Variants in TMEM132C observed in about 807,000 individuals in gnomAD.
The protein encoded by TMEM132C is protein phosphatase 1, regulatory subunit 152.
Under a neutral mutation model 61.4 loss-of-function variants are expected in TMEM132C, and 29 were observed. That is an observed-to-expected ratio of 0.47 (90% CI 0.35 to 0.64). The LOEUF (loss-of-function observed/expected upper bound fraction) is 0.64, where lower values mean the gene tolerates loss of function less well. Ranked by LOEUF, TMEM132C falls within the 30% of genes least tolerant of loss-of-function variation. The pLI, the probability that TMEM132C is intolerant of heterozygous loss-of-function variation, is 0.00. For missense variants in TMEM132C, 1,408 were observed against 1,476.9 expected, an observed-to-expected ratio of 0.95 and a Z score of 0.76; for synonymous variants, 656 against 633.1, an observed-to-expected ratio of 1.04 and a Z score of -0.54.
chr12:128,701,998 C>G (rs1455340363), intron 8 of TMEM132C, among the ~76,000 whole-genome samples: 1 of 150,840 alleles, frequency 6.6e-6, no homozygotes, highest in Non-Finnish European at 1.5e-5. Flanking sequence ...CTCCCAGGTT[C>G]AAGCAATTCT....
chr12:128,524,948 C>G (rs4146752), intron 2 of TMEM132C, among the ~76,000 whole-genome samples: 143,858 of 152,272 alleles, frequency 0.94, 68,426 homozygotes, highest in East Asian at 1. Flanking sequence ...ATAGAAGACT[C>G]TCCTTCCCTA....
intron 1 of TMEM132C, among the ~76,000 whole-genome samples, chr12:128,320,937 TGCTCTAGGGGTGTGTCAATTAG>T (rs1872309919): frequency 6.6e-6 from 1 of 151,860 alleles, no homozygotes. Context: ...GTGAGGCCCA[TGCTCTAGGGGTGTGTCAATTAG>T]GCACACAATT....
At chr12:128,580,295 C>A (rs1047499987) in intron 3 of TMEM132C, among the ~76,000 whole-genome samples, 1 of 151,974 alleles carries the variant, frequency 6.6e-6, no homozygotes, top group East Asian at 1.9e-4. Flanking sequence ...GTGGCGGGCG[C>A]CTGTAGTCCC....
intron 2 of TMEM132C, among the ~76,000 whole-genome samples, chr12:128,447,490 T>G (rs1304736965): frequency 6.6e-6 from 1 of 152,166 alleles, no homozygotes; most frequent in African/African-American, 2.4e-5. Flanking sequence ...ATACAGAGGT[T>G]TTCTGGTCAA....
At chr12:128,413,667 A>C (rs1868648748) in intron 1 of TMEM132C, among the ~76,000 whole-genome samples, 2 of 151,706 alleles carry the variant, frequency 1.3e-5, no homozygotes, top group South Asian at 2.1e-4. Flanking sequence ...ATTTTTGTGA[A>C]TATCTGTTCA....
chr12:128,513,381 C>T lies in TMEM132C; in HGVS notation c.975-30576C>T, dbSNP rs537316438. 8.3e-4 allele frequency among the ~76,000 whole-genome samples: 126 copies of T among 152,182 alleles called. 2 individuals are homozygous for T. The highest frequency in any genetic ancestry group is 7.5e-3 in the Admixed American group (115 of 15,294). Reference sequence around the variant, plus strand: ...ATGAAAATCACCTTGGTTAATATGCCGAGATATAATCTCATTACGTACTCT... The same window carrying T: ...ATGAAAATCACCTTGGTTAATATGCTGAGATATAATCTCATTACGTACTCT... On this transcript the variant is annotated intron_variant, in intron 2 of 8. Coordinates refer to ENST00000435159, the MANE Select transcript of TMEM132C (RefSeq NM_001136103.3).
intron 3 of TMEM132C, among the ~76,000 whole-genome samples, chr12:128,612,165 G>A (rs976364822): frequency 1.4e-4 from 22 of 152,118 alleles, no homozygotes; most frequent in African/African-American, 4.6e-4. Flanking sequence ...TTTCTCTGTC[G>A]GGTCAGTCTG....
rs1051072723 is a variant in TMEM132C, at chr12:128,427,052, T to A, written c.974+11432T>A. Among the ~76,000 whole-genome samples, 5 of 152,310 alleles carry A rather than the reference T, an allele frequency of 3.3e-5. No homozygotes were observed. The South Asian group carries it at 1.0e-3, about 32-fold the overall frequency. On this transcript the variant is annotated intron_variant, in intron 2 of 8. Transcript: ENST00000435159. ...GTGGCAAGTGATGATTTCAGAAACA[T>A]GCTGGGTACTCCAGTATTCTGGGTA...
chr12:128,616,213 C>T lies in TMEM132C; in HGVS notation c.1183C>T (p.Leu395Phe). ...CTTTGAAATAGCCAGTTTCAGCAGC[C>T]TTTCAGGGACTCAGCCCATCACGTG... ...MNFEIASFSS[L>F]SGTQPITWQV... The change falls in exon 4 of 9, where the codon CTT (leucine) becomes TTT (phenylalanine). Residue 395 changes from leucine (L) to phenylalanine (F), a missense_variant. By Grantham distance (22) the Leu-to-Phe change is conservative. Transcript: ENST00000435159. 6.4e-7 allele frequency: 1 copy of T among 1,551,778 alleles called. No individual in the cohort carries two copies. Among genetic ancestry groups the T allele is most frequent in the South Asian group, 1.2e-5 (1 of 84,066 alleles).
At chr12:128,460,907 C>T (rs1039346352) in intron 2 of TMEM132C, among the ~76,000 whole-genome samples, 2 of 152,124 alleles carry the variant, frequency 1.3e-5, no homozygotes, top group African/African-American at 4.8e-5. Context: ...AAACCAGAGG[C>T]AGCCCCCAGC....
rs761061229 is a variant in TMEM132C, at chr12:128,415,173, G to C, written c.527G>C (p.Arg176Pro). The C allele has an allele frequency of 1.2e-6, 2 of 1,610,524 alleles. No individual in the cohort carries two copies. The highest frequency in any genetic ancestry group is 8.5e-7 in the Non-Finnish European group (1 of 1,178,412). Residue 176 changes from arginine to proline, a missense_variant, in exon 2 of 9, where the codon CGA (arginine) becomes CCA (proline). Arg to Pro is a moderately radical substitution (Grantham distance 103). Transcript: ENST00000435159. The surrounding 1 kb of genome is among the most constrained non-coding windows in gnomAD (Gnocchi z 5.8). The part of the protein sequence containing the change: ...KLPCLRVFAF[R>P]ETREVRGSCR... ...CCATGCCTGAGGGTCTTTGCTTTCC[G>C]AGAAACCAGAGAGGTGCGGGGCAGC...
chr12:128,652,255 G>A (rs1954278714), intron 4 of TMEM132C, among the ~76,000 whole-genome samples: 1 of 152,162 alleles, frequency 6.6e-6, no homozygotes, highest in Non-Finnish European at 1.5e-5. Flanking sequence ...GGGATTTCTT[G>A]TTGGCTGTGG....
At chr12:128,636,015 TCTA>T (rs1159521785) in intron 4 of TMEM132C, among the ~76,000 whole-genome samples, 1 of 152,196 alleles carries the variant, frequency 6.6e-6, no homozygotes, top group African/African-American at 2.4e-5. Context: ...CTCTGCCAGT[TCTA>T]CTAGGTTCTC....
rs2136022014 is a variant in TMEM132C, at chr12:128,415,342, G to T, written c.696G>T (p.Val232=). ...CCCCTGTGGAGCTCTACTACACCGT[G>T]CACCCAGGAAACGAGCGAGGGGACT... is the stretch of plus-strand genomic sequence containing the variant. ...EGTPVELYYT[V]HPGNERGDCA... Residue 232 remains valine (V), a synonymous_variant, in exon 2 of 9, where the codon GTG becomes GTT. Transcript: ENST00000435159. This position sits in a 1 kb window ranked among gnomAD's most constrained non-coding sequence, Gnocchi z 5.8. The T allele has an allele frequency of 6.3e-7, 1 of 1,581,924 alleles. No homozygotes were observed. Among genetic ancestry groups the T allele is most frequent in the Non-Finnish European group, 8.6e-7 (1 of 1,162,654 alleles).
At chr12:128,539,484 G>A (rs144747635) in intron 2 of TMEM132C, among the ~76,000 whole-genome samples, 8,196 of 152,246 alleles carry the variant, frequency 0.054, 304 homozygotes, top group Non-Finnish European at 0.084. Context: ...TGGGCGTGGC[G>A]GTGGTCGCCT....
At chr12:128,681,665 T>G (rs1954635805) in intron 5 of TMEM132C, among the ~76,000 whole-genome samples, 1 of 101,950 alleles carries the variant, frequency 9.8e-6, no homozygotes, top group Non-Finnish European at 2.1e-5. Flanking sequence ...TTTTTTTTTT[T>G]TTTTTTGAGA....
chr12:128,514,909 T>C (rs751032492), intron 2 of TMEM132C, among the ~76,000 whole-genome samples: 1 of 152,170 alleles, frequency 6.6e-6, no homozygotes, highest in Non-Finnish European at 1.5e-5. Context: ...GTAAATACAG[T>C]GAGCAGACTA....
intron 1 of TMEM132C, among the ~76,000 whole-genome samples, chr12:128,368,243 C>G (rs889563568): frequency 6.6e-6 from 1 of 152,204 alleles, no homozygotes; most frequent in East Asian, 1.9e-4. Flanking sequence ...ACTAATTTGT[C>G]CCCGCTGCTC....
chr12:128,704,640 C>T (rs982545165), intron 8 of TMEM132C, among the ~76,000 whole-genome samples: 1 of 152,130 alleles, frequency 6.6e-6, no homozygotes, highest in African/African-American at 2.4e-5. Context: ...GCCCATCAAC[C>T]TTTGTCATCA....
Sources: allele counts gnomAD v4.1 joint callset (sites outside exome capture counted in the v4.1 genomes callset), GRCh38; gene constraint gnomAD v4.1.1; non-coding constraint Gnocchi (gnomAD v3.1); transcripts MANE v1.5; gene names NCBI Gene and HGNC (gene_info 2026-07-23, HGNC 2026-07-21).